The following C2CD3 variants were observed in gnomAD, a reference collection of about 807,000 sequenced individuals.
C2CD3 encodes the protein C2 domain containing 3 centriole elongation regulator, also known as C2 domain-containing protein 3.
Under a neutral mutation model 234.0 loss-of-function variants are expected in C2CD3, and 148 were observed. The ratio of observed to expected loss-of-function variants is 0.63; its 90% confidence interval spans 0.55 to 0.72. The LOEUF (loss-of-function observed/expected upper bound fraction) is 0.72, where lower values mean the gene tolerates loss of function less well. Ranked by LOEUF, C2CD3 falls within the 30% of genes least tolerant of loss-of-function variation. The pLI, the probability that C2CD3 is intolerant of heterozygous loss-of-function variation, is 0.00. For synonymous variants in C2CD3, 1,000 were observed against 1,035.4 expected, an observed-to-expected ratio of 0.97 and a Z score of 0.66; for missense variants, 2,577 against 2,811.5, an observed-to-expected ratio of 0.92 and a Z score of 1.89.
chr11:74,060,405 C>T (rs963728179), intron 24 of C2CD3, among the ~76,000 whole-genome samples: 7 of 152,212 alleles, frequency 4.6e-5, no homozygotes, highest in Non-Finnish European at 1.0e-4. Context: ...CTGGGTTCCC[C>T]TTTGAGACGA....
intron 5 of C2CD3, among the ~76,000 whole-genome samples, chr11:74,136,598 G>A (rs1452849776): frequency 1.3e-5 from 2 of 152,148 alleles, no homozygotes; most frequent in East Asian, 1.9e-4. Context: ...CCTACCTCAC[G>A]TGACTTTTGT....
chr11:74,138,741 G>T lies in C2CD3; in HGVS notation c.934C>A (p.Pro312Thr). 1 of 1,612,736 alleles carries T rather than the reference G, an allele frequency of 6.2e-7. No individual in the cohort carries two copies. Among genetic ancestry groups the T allele is most frequent in the Non-Finnish European group, 8.5e-7 (1 of 1,178,736 alleles). The change falls in exon 5 of 33, where the codon CCT becomes ACT. Residue 312 changes from proline (P) to threonine (T), a missense_variant. Pro to Thr is a conservative substitution (Grantham distance 38, BLOSUM62 -1). Coordinates refer to ENST00000334126, the MANE Select transcript of C2CD3 (RefSeq NM_001286577.2). ...DSCILSSNNL[P>T]TKDLLSALLE... ...ATACCTGAAAGAAGATCCTTGGTAG[G>T]GAGGTTGTTTGAAGAAAGAATGCAT...
Position 74,122,980 on chromosome 11 carries a change from T to C in C2CD3, c.1365+8A>G. ...CTAATTCTCAATGCTTCAGGTTCAG[T>C]GACTTACAGGTGCTGTATAAAATAA... is the stretch of plus-strand genomic sequence containing the variant. On this transcript the variant is annotated splice_region_variant and intron_variant, in intron 8 of 32. Coordinates refer to ENST00000334126, the MANE Select transcript of C2CD3 (RefSeq NM_001286577.2). 6.2e-7 allele frequency: 1 copy of C among 1,610,246 alleles called. No homozygotes were observed. The highest frequency in any genetic ancestry group is 1.1e-5 in the South Asian group (1 of 90,878).
At chr11:74,042,431 C>T (rs879804926) in intron 28 of C2CD3, among the ~76,000 whole-genome samples, 1 of 152,038 alleles carries the variant, frequency 6.6e-6, no homozygotes, top group South Asian at 2.1e-4. Flanking sequence ...TTAACTCATT[C>T]TTCACAACAA....
chr11:74,084,782 T>A, intron 22 of C2CD3, 99 bp downstream of exon 22: 1 of 750,466 alleles, frequency 1.3e-6, no homozygotes, highest in East Asian at 2.5e-5. Context: ...GGTTGTGTTT[T>A]CTTTTGAATA....
intron 24 of C2CD3, among the ~76,000 whole-genome samples, chr11:74,070,327 G>A (rs1460217795): frequency 6.6e-6 from 1 of 152,206 alleles, no homozygotes; most frequent in African/African-American, 2.4e-5. Context: ...TTTGCTGAAG[G>A]CAAAGCTCCT....
chr11:74,120,209 T>C (rs1403744109), intron 8 of C2CD3, among the ~76,000 whole-genome samples: 1 of 151,970 alleles, frequency 6.6e-6, no homozygotes, highest in East Asian at 1.9e-4. Flanking sequence ...ACATGTGCCA[T>C]GTTGGTTTGT....
chr11:74,139,525 T>C (rs1163223340), intron 4 of C2CD3, 80 bp downstream of exon 4: 3 of 1,032,182 alleles, frequency 2.9e-6, no homozygotes, highest in African/African-American at 3.1e-5. Context: ...AATCTTTTAC[T>C]CAACCATAAA....
In C2CD3 at chr11:74,033,594, A is replaced by C. The variant is rs1294388909; in HGVS notation, c.6566T>G (p.Phe2189Cys). The C allele has an allele frequency of 6.5e-7, 1 of 1,536,022 alleles. No homozygotes were observed. Among genetic ancestry groups the C allele is most frequent in the East Asian group, 2.4e-5 (1 of 40,894 alleles). The change falls in exon 31 of 33, where the codon TTT (phenylalanine) becomes TGT (cysteine). Residue 2189 changes from phenylalanine (F) to cysteine (C), a missense_variant. Coordinates refer to ENST00000334126, the MANE Select transcript of C2CD3 (RefSeq NM_001286577.2). ...TGTCTGTGGTGAGCTCCATCCAACA[A>C]ACGTGCTGCTCTGTTGAGCTCCTGA... ...TLSGAQQSST[F>C]VGWSSPQTDQ...
intron 23 of C2CD3, 91 bp from the exon 24 acceptor site, chr11:74,074,691 C>A: frequency 9.4e-7 from 1 of 1,066,310 alleles, no homozygotes; most frequent in South Asian, 1.6e-5. Context: ...GTGGTCCTTT[C>A]TCCTTTGAAA....
intron 3 of C2CD3, among the ~76,000 whole-genome samples, chr11:74,155,727 G>A (rs188348880): frequency 1.3e-5 from 2 of 152,178 alleles, no homozygotes; most frequent in African/African-American, 4.8e-5. Flanking sequence ...AGTTGTCAAG[G>A]GCGGGGGCAG....
At chr11:74,036,731 G>A (rs1591301974) in intron 30 of C2CD3, among the ~76,000 whole-genome samples, 1 of 152,158 alleles carries the variant, frequency 6.6e-6, no homozygotes, top group East Asian at 1.9e-4. Flanking sequence ...GTAGGACCCA[G>A]GAATCTCTAT....
chr11:74,056,553 T>A (rs1953956930), intron 25 of C2CD3, among the ~76,000 whole-genome samples: 1 of 152,186 alleles, frequency 6.6e-6, no homozygotes, highest in Non-Finnish European at 1.5e-5. Flanking sequence ...GATCCCCACT[T>A]TACAGATGAA....
rs1565216031 is a variant in C2CD3, at chr11:74,037,703, A to C, written c.5661-5T>G. On this transcript the variant is annotated splice_region_variant and splice_polypyrimidine_tract_variant and intron_variant, in intron 29 of 32. Transcript: ENST00000334126. ...TCAAGCTCACTCAGATTCTTCCTATAAACAAAAGGGGGAGAAGAAGACAAA... is the reference window on the plus strand; with the variant it reads ...TCAAGCTCACTCAGATTCTTCCTATCAACAAAAGGGGGAGAAGAAGACAAA... 1 of 1,607,100 alleles carries C rather than the reference A, an allele frequency of 6.2e-7. No individual in the cohort carries two copies. The highest frequency in any genetic ancestry group is 8.5e-7 in the Non-Finnish European group (1 of 1,174,856).
At position 74,090,950 on chromosome 11, in the gene C2CD3, A is replaced by G; in HGVS notation, c.3518-14T>C. On this transcript the variant is annotated splice_polypyrimidine_tract_variant and intron_variant, in intron 19 of 32. Coordinates refer to ENST00000334126, the MANE Select transcript of C2CD3 (RefSeq NM_001286577.2). Reference sequence around the variant, plus strand: ...CATCCAGTAAACCTGAAGAATGAGGACACAAGGAAAGAAGGTTGGTCAGAA... The same window carrying G: ...CATCCAGTAAACCTGAAGAATGAGGGCACAAGGAAAGAAGGTTGGTCAGAA... 6.2e-7 allele frequency: 1 copy of G among 1,613,054 alleles called. No individual in the cohort carries two copies. The highest frequency in any genetic ancestry group is 8.5e-7 in the Non-Finnish European group (1 of 1,179,604).
intron 22 of C2CD3, among the ~76,000 whole-genome samples, chr11:74,083,102 C>T (rs960453476): frequency 2.7e-5 from 4 of 148,632 alleles, no homozygotes; most frequent in Non-Finnish European, 4.4e-5. Flanking sequence ...GATATATTGA[C>T]CAATAGACAG....
intron 32 of C2CD3, among the ~76,000 whole-genome samples, chr11:74,015,703 T>C (rs1951854081): frequency 6.6e-6 from 1 of 152,204 alleles, no homozygotes; most frequent in Non-Finnish European, 1.5e-5. Flanking sequence ...TTCTCTGTTT[T>C]AGAGAGACTT....
chr11:74,165,481 T>C (rs1465869057), intron 2 of C2CD3, among the ~76,000 whole-genome samples: 1 of 152,192 alleles, frequency 6.6e-6, no homozygotes, highest in Non-Finnish European at 1.5e-5. Context: ...ATTAATTAGT[T>C]TACTTTTTGC....
chr11:74,116,874 G>GTGTATATACACACGTGTATATA (rs1565312392), intron 9 of C2CD3, among the ~76,000 whole-genome samples: 1 of 125,104 alleles, frequency 8.0e-6, no homozygotes, highest in African/African-American at 2.9e-5. Flanking sequence ...ACGTGTATAT[G>GTGTATATACACACGTGTATATA]TATATATACA....
Sources: allele counts gnomAD v4.1 joint callset (sites outside exome capture counted in the v4.1 genomes callset), GRCh38; gene constraint gnomAD v4.1.1; transcripts MANE v1.5; gene names NCBI Gene and HGNC (gene_info 2026-07-23, HGNC 2026-07-21).